Variants in ALOX5AP observed in about 807,000 individuals in gnomAD.
ALOX5AP encodes the protein arachidonate 5-lipoxygenase activating protein.
In ALOX5AP, 9 loss-of-function variants were observed where a neutral mutation model predicts 18.5. The ratio of observed to expected loss-of-function variants is 0.49; its 90% CI spans 0.29 to 0.85. The LOEUF is 0.85. Among genes scored for constraint, ALOX5AP ranks in the 40% least tolerant of loss-of-function variants. The pLI is 0.08. For synonymous variants in ALOX5AP, 81 were observed against 78.6 expected (o/e 1.03, Z -0.16); for missense variants, 172 against 202.5 (o/e 0.85, Z 0.91).
At chr13:30,718,584 C>G (rs1390233931) in intron 1 of ALOX5AP, among the ~76,000 whole-genome samples, 5 of 152,116 alleles carry the variant, frequency 3.3e-5, no homozygotes, top group Admixed American at 2.6e-4. Flanking sequence ...TCAGCCTCTT[C>G]TCTGAAAGTT....
exon 1 of ALOX5AP, chr13:30,713,631 A>G (rs1432256535): frequency 2.3e-6 from 2 of 879,198 alleles, no homozygotes; most frequent in African/African-American, 1.7e-5. Context: ...CCCGTTTTTG[A>G]AGAGGAGGAC....
intron 4 of ALOX5AP, among the ~76,000 whole-genome samples, chr13:30,757,426 T>C (rs1480973672): frequency 1.3e-5 from 2 of 152,182 alleles, no homozygotes; most frequent in Non-Finnish European, 2.9e-5. Context: ...TTATTTATCC[T>C]CTAAAACCAC....
At chr13:30,729,701 C>T (rs1328757397) in intron 1 of ALOX5AP, among the ~76,000 whole-genome samples, 3 of 151,992 alleles carry the variant, frequency 2.0e-5, no homozygotes, top group African/African-American at 7.2e-5. Context: ...CTCAGCCTCC[C>T]GAGGGGCTGG....
intron 1 of ALOX5AP, 22 bp downstream of exon 1, chr13:30,735,697 G>A: frequency 6.2e-7 from 1 of 1,613,286 alleles, no homozygotes; most frequent in Non-Finnish European, 8.5e-7. Flanking sequence ...CCTTCACTCA[G>A]GGAAGAACAG....
rs868631785 is a variant in ALOX5AP at position 30,741,561 on chromosome 13, C to G, written c.71-2499C>G. Among the ~76,000 whole-genome samples, 364 of 128,732 alleles carry G rather than the reference C, an allele frequency of 2.8e-3. 2 individuals are homozygous for G. Among genetic ancestry groups the G allele is most frequent in the African/African-American group, 9.8e-3 (346 of 35,338 alleles). The allele number at this position is 128,732 out of a possible 152,430, so 84.5% of individuals were successfully genotyped here. On this transcript the variant is annotated intron_variant, in intron 1 of 4. Transcript: ENST00000380490. Reference sequence around the variant, plus strand: ...ACAGGCCCCTCCCCACCCCCACCCCCCAACAACTGGCTAATTTTTGTATTT... The same window carrying G: ...ACAGGCCCCTCCCCACCCCCACCCCGCAACAACTGGCTAATTTTTGTATTT...
intron 2 of ALOX5AP, among the ~76,000 whole-genome samples, chr13:30,747,286 C>T (rs1951816922): frequency 6.6e-6 from 1 of 152,214 alleles, no homozygotes; most frequent in Admixed American, 6.5e-5. Context: ...AAGTTATTCT[C>T]CTGCTTCAGC....
At chr13:30,725,224 T>C (rs1224703266) in intron 1 of ALOX5AP, among the ~76,000 whole-genome samples, 1 of 152,202 alleles carries the variant, frequency 6.6e-6, no homozygotes, top group Non-Finnish European at 1.5e-5. Flanking sequence ...AGAGACATGA[T>C]TAGAAAACTG....
chr13:30,748,395 C>G (rs1951826113), intron 2 of ALOX5AP, among the ~76,000 whole-genome samples: 1 of 152,068 alleles, frequency 6.6e-6, no homozygotes, highest in Admixed American at 6.6e-5. Flanking sequence ...ATGTTTTATT[C>G]CCAGAGGTGG....
chr13:30,719,372 C>T (rs1951575811), intron 1 of ALOX5AP, among the ~76,000 whole-genome samples: 1 of 152,192 alleles, frequency 6.6e-6, no homozygotes, highest in South Asian at 2.1e-4. Context: ...CTCTCTGTCT[C>T]AGTAACCTCA....
At chr13:30,750,072 T>C (rs959825598) in intron 2 of ALOX5AP, among the ~76,000 whole-genome samples, 8 of 152,164 alleles carry the variant, frequency 5.3e-5, no homozygotes, top group African/African-American at 1.9e-4. Context: ...AACAGATTTC[T>C]GGGCCCCAAC....
intron 1 of ALOX5AP, among the ~76,000 whole-genome samples, chr13:30,742,947 C>T (rs906804700): frequency 6.6e-6 from 1 of 151,006 alleles, no homozygotes; most frequent in African/African-American, 2.4e-5. Context: ...ACCGCCACCA[C>T]CCCAGTCAAT....
At chr13:30,726,722 A>G (rs1302907735) in intron 1 of ALOX5AP, among the ~76,000 whole-genome samples, 1 of 152,066 alleles carries the variant, frequency 6.6e-6, no homozygotes, top group Non-Finnish European at 1.5e-5. Flanking sequence ...TTTTGAGATG[A>G]GCTCTCGCCA....
intron 3 of ALOX5AP, 91 bp from the exon 4 acceptor site, chr13:30,755,853 A>C (rs1951889176): frequency 7.8e-7 from 1 of 1,280,162 alleles, no homozygotes; most frequent in Non-Finnish European, 1.1e-6. Flanking sequence ...CTTCTGCTAG[A>C]TTTTGTGACC....
chr13:30,756,078 A>C (rs2137827773), intron 4 of ALOX5AP, 53 bp downstream of exon 4: 1 of 1,545,234 alleles, frequency 6.5e-7, no homozygotes, highest in South Asian at 1.1e-5. Context: ...ATTTTTGAGC[A>C]GGAAGAGTGA....
At chr13:30,728,960 C>A (rs1951659238) in intron 1 of ALOX5AP, among the ~76,000 whole-genome samples, 1 of 152,218 alleles carries the variant, frequency 6.6e-6, no homozygotes, top group African/African-American at 2.4e-5. Flanking sequence ...TCCAGTTGCT[C>A]CATACCCTTG....
intron 1 of ALOX5AP, among the ~76,000 whole-genome samples, chr13:30,741,538 A>T (rs1337560045): frequency 1.2e-5 from 1 of 86,870 alleles, no homozygotes. Flanking sequence ...CTAGGATTAC[A>T]GGCCCCTCCC....
Position 30,747,463 on chromosome 13 carries a change from G to A in ALOX5AP, c.170+3304G>A, listed in dbSNP as rs146345780. ...GTTGGAATTACAGGTGTGAGCCACC[G>A]TGCCTGGCCTGTTCACATGTATAAA... On this transcript the variant is annotated intron_variant, in intron 2 of 4. Coordinates refer to ENST00000380490, the MANE Select transcript of ALOX5AP (RefSeq NM_001629.4). Among the ~76,000 whole-genome samples, 288 of 152,282 alleles carry A rather than the reference G, an allele frequency of 1.9e-3. 12 individuals carry two copies. The East Asian group carries it at 0.051, about 27-fold the overall frequency.
At chr13:30,744,401 T>C (rs184178727) in intron 2 of ALOX5AP, 14 of 433,008 alleles carry the variant, frequency 3.2e-5, no homozygotes, top group Admixed American at 3.5e-5. Context: ...GGAGGTGTGA[T>C]CTCTGCAGCT....
chr13:30,733,352 G>GT (rs538868866), upstream of ALOX5AP, among the ~76,000 whole-genome samples: 4 of 152,182 alleles, frequency 2.6e-5, no homozygotes, highest in South Asian at 8.3e-4. Context: ...GGAATACTTT[G>GT]TAAGAGGACT....
Sources: gnomAD v4.1 joint callset for allele counts (sites outside exome capture counted in the v4.1 genomes callset) on GRCh38, gnomAD v4.1.1 for gene constraint, MANE v1.5 for transcripts, NCBI Gene and HGNC (gene_info 2026-07-23, HGNC 2026-07-21) for gene names.